The following PLEKHA8 variants were observed in gnomAD, a reference collection of about 807,000 sequenced individuals.
PLEKHA8 encodes the protein pleckstrin homology domain-containing family A member 8.
PLEKHA8 carries 36 observed loss-of-function variants against 68.2 expected under a neutral mutation model. That is an observed-to-expected ratio of 0.53 (90% CI 0.40 to 0.70). PLEKHA8 has a LOEUF of 0.70. PLEKHA8 is among the 30% of genes least tolerant of loss of function. PLEKHA8 has a pLI of 0.00. For synonymous variants in PLEKHA8, 211 were observed against 216.1 expected (o/e 0.98, Z 0.20); for missense variants, 505 against 615.4 (o/e 0.82, Z 1.90).
chr7:30,061,772 G>C (rs1793456232), intron 10 of PLEKHA8, 125 bp from the exon 11 acceptor site: 1 of 972,990 alleles, frequency 1.0e-6, no homozygotes, highest in South Asian at 1.7e-5. Flanking sequence ...AAGGAAGAAG[G>C]TAATAGGAGC....
At position 30,082,433 on chromosome 7, in the gene PLEKHA8, T is replaced by C; in HGVS notation, c.*3646T>C. ...CTGCGTGCCTGATCAGTGGGGATTC[T>C]GTTCCCCCACCCCCCAGACTGCAAG... On this transcript the variant is annotated 3_prime_UTR_variant, in exon 14 of 14. Transcript: ENST00000449726. The C allele has an allele frequency of 2.0e-6, 2 of 985,354 alleles. No homozygotes were observed. The highest frequency in any genetic ancestry group is 2.4e-6 in the Non-Finnish European group (2 of 829,898). The allele number at this position is 985,354 out of a possible 1,614,324, so 61.0% of individuals were successfully genotyped here.
chr7:30,055,146 C>A, intron 8 of PLEKHA8, 111 bp from the exon 9 acceptor site: 1 of 967,790 alleles, frequency 1.0e-6, no homozygotes, highest in South Asian at 1.4e-5. Flanking sequence ...CATATCAAGT[C>A]AAACGATTTG....
intron 13 of PLEKHA8, among the ~76,000 whole-genome samples, chr7:30,127,267 G>A (rs1372106666): frequency 6.6e-6 from 1 of 152,150 alleles, no homozygotes; most frequent in Non-Finnish European, 1.5e-5. Flanking sequence ...GCTGGTGTCT[G>A]GCTTATAGGA....
At chr7:30,035,822 ATT>A (rs543452380) in intron 1 of PLEKHA8, among the ~76,000 whole-genome samples, 3 of 151,126 alleles carry the variant, frequency 2.0e-5, no homozygotes, top group Non-Finnish European at 4.4e-5. Flanking sequence ...TTTTTTTTGT[ATT>A]TTTAGTAGAG....
At chr7:30,045,453 T>G (rs1424322251) in intron 2 of PLEKHA8, among the ~76,000 whole-genome samples, 1 of 152,222 alleles carries the variant, frequency 6.6e-6, no homozygotes, top group African/African-American at 2.4e-5. Flanking sequence ...CACTCATTCC[T>G]TAGTGACCTG....
chr7:30,109,512 C>A (rs186177218), intron 13 of PLEKHA8, among the ~76,000 whole-genome samples: 1 of 132,816 alleles, frequency 7.5e-6, no homozygotes, highest in Non-Finnish European at 1.5e-5. Context: ...TGCTTGAACC[C>A]GGGAGGTGGA....
rs995352256 is a variant in PLEKHA8, at chr7:30,080,238, G to A, written c.*1451G>A. On this transcript the variant is annotated 3_prime_UTR_variant, in exon 14 of 14. Coordinates refer to ENST00000449726, the MANE Select transcript of PLEKHA8 (RefSeq NM_001197026.2). Reference sequence around the variant, plus strand: ...TGTTTCATAAAACAATATTGAGTGGGCATTCTTCTGCACAGTGTGATGCTC... The same window carrying A: ...TGTTTCATAAAACAATATTGAGTGGACATTCTTCTGCACAGTGTGATGCTC... The A allele has an allele frequency of 1.0e-6, 1 of 985,292 alleles. No homozygotes were observed. The highest frequency in any genetic ancestry group is 1.2e-6 in the Non-Finnish European group (1 of 829,898). The allele number at this position is 985,292 out of a possible 1,614,324, so 61.0% of individuals were successfully genotyped here.
chr7:30,081,734 G>A lies in PLEKHA8; in HGVS notation c.*2947G>A, dbSNP rs1794939152. 1 of 985,188 alleles carries A rather than the reference G, an allele frequency of 1.0e-6. No individual in the cohort carries two copies. Among genetic ancestry groups the A allele is most frequent in the Non-Finnish European group, 1.2e-6 (1 of 829,894 alleles). The allele number at this position is 985,188 out of a possible 1,614,324, so 61.0% of individuals were successfully genotyped here. ...GAGAACTGGAAGAAAAAGGAAATTG[G>A]TCTACTAGGTATTGTAGACACAAAT... is the stretch of plus-strand genomic sequence containing the variant. On this transcript the variant is annotated 3_prime_UTR_variant, in exon 14 of 14. Coordinates refer to ENST00000449726, the MANE Select transcript of PLEKHA8 (RefSeq NM_001197026.2).
At chr7:30,049,486 T>C (rs1291875397) in intron 5 of PLEKHA8, 104 bp downstream of exon 5, 1 of 1,397,360 alleles carries the variant, frequency 7.2e-7, no homozygotes, top group African/African-American at 1.5e-5. Context: ...ATAAAGACAG[T>C]TTTTTAATGG....
downstream of PLEKHA8, among the ~76,000 whole-genome samples, chr7:30,085,636 C>A (rs1364480833): frequency 6.6e-6 from 1 of 152,184 alleles, no homozygotes; most frequent in Non-Finnish European, 1.5e-5. Flanking sequence ...CCACCCACGT[C>A]TCAGGGAATC....
rs188411545 is a variant in PLEKHA8 at position 30,104,943 on chromosome 7, G to A, written c.1363-24323G>A. On this transcript the variant is annotated intron_variant, in intron 13 of 13. Coordinates refer to the PLEKHA8 transcript ENST00000396257. ...TCACCATATTGGCAAGGCTGGTCTC[G>A]AACTCCTGAACTCAGGTGATGATCC... Among the ~76,000 whole-genome samples, 60 of 151,846 alleles carry A rather than the reference G, an allele frequency of 4.0e-4. 1 individual carries two copies. Among genetic ancestry groups the A allele is most frequent in the African/African-American group, 1.3e-3 (54 of 41,398 alleles).
intron 12 of PLEKHA8, among the ~76,000 whole-genome samples, chr7:30,063,058 T>C (rs1340066127): frequency 1.3e-5 from 2 of 152,222 alleles, no homozygotes; most frequent in African/African-American, 4.8e-5. Context: ...TCTTCAAATA[T>C]ATTATAGTCT....
At chr7:30,040,080 G>T (rs528473452) in intron 1 of PLEKHA8, among the ~76,000 whole-genome samples, 20 of 152,296 alleles carry the variant, frequency 1.3e-4, no homozygotes, top group African/African-American at 3.6e-4. Context: ...ATTATGAAAG[G>T]GTGTTAGATT....
chr7:30,124,313 AG>A lies in PLEKHA8; in HGVS notation c.1363-4952del, dbSNP rs1562562678. ...AATATTTAGTGATTCATTTGAAGAT[AG>A]CAATGATGAAAGCATGTGAACATAA... On this transcript the variant is annotated intron_variant, in intron 13 of 13. Transcript: ENST00000396257. Among the ~76,000 whole-genome samples the A allele has an allele frequency of 3.3e-5, 5 of 152,272 alleles. No homozygotes were observed. In the South Asian group the frequency reaches 1.0e-3, roughly 31 times the overall value.
At chr7:30,121,460 C>G (rs1045651335) in intron 13 of PLEKHA8, among the ~76,000 whole-genome samples, 5 of 152,144 alleles carry the variant, frequency 3.3e-5, no homozygotes, top group Non-Finnish European at 5.9e-5. Context: ...GAAACCCCCT[C>G]TCTACTAAAA....
intron 10 of PLEKHA8, among the ~76,000 whole-genome samples, 158 bp downstream of exon 10, chr7:30,061,100 G>A (rs1385035320): frequency 6.6e-6 from 1 of 152,182 alleles, no homozygotes; most frequent in Non-Finnish European, 1.5e-5. Context: ...TGCTCAGTAA[G>A]GGAATTACTA....
chr7:30,115,512 A>G (rs1402794724), intron 13 of PLEKHA8, among the ~76,000 whole-genome samples: 1 of 140,336 alleles, frequency 7.1e-6, no homozygotes, highest in Non-Finnish European at 1.6e-5. Flanking sequence ...ACATATGTAC[A>G]CATACACGTA....
intron 12 of PLEKHA8, among the ~76,000 whole-genome samples, chr7:30,065,906 A>G (rs1439464086): frequency 6.6e-6 from 1 of 152,170 alleles, no homozygotes; most frequent in Admixed American, 6.5e-5. Flanking sequence ...AAAACTCATT[A>G]GAAATGCAGA....
At chr7:30,102,255 T>C (rs1187112528) in intron 13 of PLEKHA8, among the ~76,000 whole-genome samples, 1 of 152,250 alleles carries the variant, frequency 6.6e-6, no homozygotes, top group African/African-American at 2.4e-5. Flanking sequence ...AGCATGGCTA[T>C]AATAGTAATT....
Sources: gnomAD v4.1 joint callset for allele counts (sites outside exome capture counted in the v4.1 genomes callset) on GRCh38, gnomAD v4.1.1 for gene constraint, MANE v1.5 for transcripts, NCBI Gene and HGNC (gene_info 2026-07-23, HGNC 2026-07-21) for gene names.